ADAMTSL1: variants seen among roughly 807,000 people sequenced by gnomAD.
ADAMTSL1 encodes the protein ADAMTS-like protein 1.
A neutral mutation model predicts 201.8 loss-of-function variants in ADAMTSL1; 126 were observed. The observed-to-expected ratio is 0.62, with a 90% CI of 0.54 to 0.72. The LOEUF is 0.72. Ranked by LOEUF, ADAMTSL1 falls within the 30% of genes least tolerant of loss-of-function variation. The probability of loss-of-function intolerance (pLI) is 0.00; values close to 1 mark genes in which losing one functional copy is unlikely to be tolerated. For missense variants in ADAMTSL1, 2,679 were observed against 2,277.8 expected, an observed-to-expected ratio of 1.18 and a Z score of -3.59; for synonymous variants, 1,121 against 903.4, an observed-to-expected ratio of 1.24 and a Z score of -4.32.
intron 20 of ADAMTSL1, among the ~76,000 whole-genome samples, chr9:18,814,072 C>G (rs902739467): frequency 6.6e-6 from 1 of 152,112 alleles, no homozygotes; most frequent in African/African-American, 2.4e-5. Flanking sequence ...CTTATAATAG[C>G]CATTCTAACT....
At chr9:18,190,660 A>G (rs1828933666) in intron 2 of ADAMTSL1, among the ~76,000 whole-genome samples, 1 of 152,196 alleles carries the variant, frequency 6.6e-6, no homozygotes. Context: ...GAAGAATTAT[A>G]ACTGTTGTTT....
intron 1 of ADAMTSL1, among the ~76,000 whole-genome samples, chr9:18,100,615 C>G (rs1479635182): frequency 6.6e-6 from 1 of 152,150 alleles, no homozygotes; most frequent in Non-Finnish European, 1.5e-5. Context: ...TGGACCTTCT[C>G]TTTACTTCCC....
Position 18,853,889 on chromosome 9 carries a change from C to CTCTGTG in ADAMTSL1, c.4249+23913_4249+23914insCTGTGT, listed in dbSNP as rs1314550014. Among the ~76,000 whole-genome samples the CTCTGTG allele has an allele frequency of 4.8e-4, 58 of 120,364 alleles. No homozygotes were observed. In the East Asian group the frequency reaches 0.013, roughly 27 times the overall value. 79.0% of individuals were successfully genotyped at this position (120,364 alleles called of 152,430 possible). On this transcript the variant is annotated intron_variant, in intron 23 of 28. Coordinates refer to ENST00000380548, the MANE Select transcript of ADAMTSL1 (RefSeq NM_001040272.6). ...TGTGGAGTCTACTTGTATTCACTCT[C>CTCTGTG]TGTGTGTGTGTGTGTGTGTGTGTGT...
At chr9:18,134,540 T>C (rs1826077601) in intron 1 of ADAMTSL1, among the ~76,000 whole-genome samples, 1 of 152,146 alleles carries the variant, frequency 6.6e-6, no homozygotes, top group Non-Finnish European at 1.5e-5. Flanking sequence ...AGTTAAGTGG[T>C]AATCATCCTG....
At chr9:18,509,396 T>G (rs1587411740) in intron 2 of ADAMTSL1, among the ~76,000 whole-genome samples, 1 of 152,294 alleles carries the variant, frequency 6.6e-6, no homozygotes, top group African/African-American at 2.4e-5. Flanking sequence ...ATGGTAACTC[T>G]AATTGGTGTA....
At chr9:18,676,534 G>A (rs1353635704) in intron 10 of ADAMTSL1, among the ~76,000 whole-genome samples, 1 of 151,962 alleles carries the variant, frequency 6.6e-6, no homozygotes, top group Admixed American at 6.6e-5. Flanking sequence ...AGTAACTCAG[G>A]AACTTTTAAA....
At chr9:17,930,596 G>T (rs531616430) in intron 1 of ADAMTSL1, among the ~76,000 whole-genome samples, 57 of 152,236 alleles carry the variant, frequency 3.7e-4, no homozygotes, top group African/African-American at 1.3e-3. Context: ...GTGTGTGGCT[G>T]ATGTCTGGAT....
At chr9:17,927,661 C>T (rs1011329693) in intron 1 of ADAMTSL1, among the ~76,000 whole-genome samples, 5 of 152,120 alleles carry the variant, frequency 3.3e-5, no homozygotes, top group African/African-American at 1.2e-4. Context: ...TACTGTATAA[C>T]AACATATTTA....
At chr9:18,546,903 A>G (rs1477388386) in intron 3 of ADAMTSL1, among the ~76,000 whole-genome samples, 1 of 152,160 alleles carries the variant, frequency 6.6e-6, no homozygotes, top group African/African-American at 2.4e-5. Flanking sequence ...AAAAATAATC[A>G]TTCAGCAACG....
rs915008306 is a variant in ADAMTSL1 at position 17,914,204 on chromosome 9, C to T, written c.87+7282C>T. The stretch of plus-strand genomic sequence containing the variant: ...GCATCATCCTGATACCAAAGCCTGG[C>T]GGAGACACAACCAAAAAAGAGAATT... On this transcript the variant is annotated intron_variant, in intron 1 of 29. Coordinates refer to the ADAMTSL1 transcript ENST00000680146. 1.6e-3 allele frequency among the ~76,000 whole-genome samples: 249 copies of T among 152,188 alleles called. 2 individuals are homozygous for T. In the South Asian group the frequency reaches 0.02, roughly 12 times the overall value.
chr9:18,102,305 TTGTC>T (rs1824564617), intron 1 of ADAMTSL1, among the ~76,000 whole-genome samples: 1 of 152,212 alleles, frequency 6.6e-6, no homozygotes, highest in Non-Finnish European at 1.5e-5. Context: ...TATAAAGTGT[TTGTC>T]TATGTGCTTA....
At chr9:18,268,251 C>T (rs1052759217) in intron 2 of ADAMTSL1, among the ~76,000 whole-genome samples, 1 of 152,152 alleles carries the variant, frequency 6.6e-6, no homozygotes. Context: ...GAGGTTGAGT[C>T]ACTGCTACTT....
intron 26 of ADAMTSL1, among the ~76,000 whole-genome samples, chr9:18,905,247 A>G (rs897701907): frequency 6.6e-6 from 1 of 152,190 alleles, no homozygotes; most frequent in Non-Finnish European, 1.5e-5. Context: ...AACAATCTCC[A>G]TGAGCACATA....
At chr9:18,315,218 G>C (rs1834332549) in intron 2 of ADAMTSL1, among the ~76,000 whole-genome samples, 1 of 152,138 alleles carries the variant, frequency 6.6e-6, no homozygotes, top group Non-Finnish European at 1.5e-5. Flanking sequence ...CAAATCTTGA[G>C]CTAGACACGA....
intron 2 of ADAMTSL1, among the ~76,000 whole-genome samples, chr9:18,309,643 C>T (rs1563876548): frequency 1.3e-5 from 2 of 151,680 alleles, no homozygotes; most frequent in East Asian, 1.9e-4. Flanking sequence ...TGTGAAGGAC[C>T]TCACCAAGAA....
Position 18,804,292 on chromosome 9 carries a change from T to C in ADAMTSL1, c.3805+8768T>C, listed in dbSNP as rs140849034. ...CTTTTGTGATGAAGTCTTGCAAGAA[T>C]AACAAATGAAAGGAAAATGTCTCAG... On this transcript the variant is annotated intron_variant, in intron 20 of 28. Transcript: ENST00000380548. Among the ~76,000 whole-genome samples the C allele has an allele frequency of 6.0e-4, 92 of 152,200 alleles. 1 individual carries two copies. The East Asian group carries it at 6.8e-3, about 11-fold the overall frequency.
At chr9:18,690,960 T>A (rs534317583) in intron 13 of ADAMTSL1, among the ~76,000 whole-genome samples, 1 of 152,242 alleles carries the variant, frequency 6.6e-6, no homozygotes, top group African/African-American at 2.4e-5. Flanking sequence ...ATGTACCAGG[T>A]GCAGGTATTG....
At chr9:18,237,266 C>G (rs1830885250) in intron 2 of ADAMTSL1, among the ~76,000 whole-genome samples, 1 of 152,158 alleles carries the variant, frequency 6.6e-6, no homozygotes, top group East Asian at 1.9e-4. Context: ...CACTGTGTGT[C>G]TTGTAGTTGG....
chr9:18,648,527 G>A (rs986157668), intron 7 of ADAMTSL1, among the ~76,000 whole-genome samples: 8 of 151,232 alleles, frequency 5.3e-5, no homozygotes, highest in East Asian at 1.9e-4. Flanking sequence ...GGCTGGTACC[G>A]GTTGTTCCTT....
Sources: allele counts gnomAD v4.1 joint callset (sites outside exome capture counted in the v4.1 genomes callset), GRCh38; gene constraint gnomAD v4.1.1; transcripts MANE v1.5; gene names NCBI Gene and HGNC (gene_info 2026-07-23, HGNC 2026-07-21).